MYO9A: variants seen among roughly 807,000 people sequenced by gnomAD.
MYO9A encodes the protein myosin IXA, also known as unconventional myosin-IXa.
In MYO9A, 103 loss-of-function variants were observed where a neutral mutation model predicts 293.3. The ratio of observed to expected loss-of-function variants is 0.35; its 90% CI spans 0.30 to 0.41. The LOEUF (loss-of-function observed/expected upper bound fraction) is 0.41, where lower values mean the gene tolerates loss of function less well. Among genes scored for constraint, MYO9A ranks in the 10% least tolerant of loss-of-function variants. The pLI is 1.00. For missense variants in MYO9A, 2,685 were observed against 3,033.0 expected, an observed-to-expected ratio of 0.89 and a Z score of 2.69; for synonymous variants, 1,001 against 1,035.7, an observed-to-expected ratio of 0.97 and a Z score of 0.64.
rs184357150 is a variant in MYO9A, at chr15:72,023,296, C to T, written c.999-2279G>A. ...AGAAGAAAAAATAAAATGGAGACCA[C>T]AAGGTCTCAGAGACCTGTGGGACAC... On this transcript the variant is annotated intron_variant, in intron 4 of 41. Transcript: ENST00000356056. Among the ~76,000 whole-genome samples, 69 of 152,296 alleles carry T rather than the reference C, an allele frequency of 4.5e-4. 2 individuals are homozygous for T. Among genetic ancestry groups the T allele is most frequent in the Admixed American group, 6.5e-4 (10 of 15,304 alleles).
intron 12 of MYO9A, among the ~76,000 whole-genome samples, chr15:71,970,645 A>C (rs1403785436): frequency 6.6e-6 from 1 of 152,166 alleles, no homozygotes; most frequent in African/African-American, 2.4e-5. Context: ...TACAGGACTG[A>C]CTCATAAAAA....
At chr15:72,010,259 A>C (rs2077134663) in intron 7 of MYO9A, 91 bp downstream of exon 7, 6 of 1,012,950 alleles carry the variant, frequency 5.9e-6, no homozygotes, top group Admixed American at 2.0e-5. Flanking sequence ...ACCACTTAGA[A>C]AACTATTTAA....
At chr15:71,858,073 G>A (rs1334234966) in intron 34 of MYO9A, among the ~76,000 whole-genome samples, 1 of 152,306 alleles carries the variant, frequency 6.6e-6, no homozygotes, top group Non-Finnish European at 1.5e-5. Context: ...TCTCATACCA[G>A]CTGGAATGGC....
At chr15:72,078,902 G>A (rs2079452346) in intron 1 of MYO9A, among the ~76,000 whole-genome samples, 1 of 152,188 alleles carries the variant, frequency 6.6e-6, no homozygotes, top group African/African-American at 2.4e-5. Context: ...CCAACTACAT[G>A]ACATTCTGGA....
At chr15:72,009,638 T>C (rs1321271567) in intron 7 of MYO9A, among the ~76,000 whole-genome samples, 1 of 151,588 alleles carries the variant, frequency 6.6e-6, no homozygotes, top group African/African-American at 2.4e-5. Flanking sequence ...CATCTGAGCC[T>C]GGGGAGGTTG....
intron 4 of MYO9A, among the ~76,000 whole-genome samples, chr15:72,026,275 GAAAAAA>G (rs35491673): frequency 1.6e-5 from 1 of 63,500 alleles, no homozygotes; most frequent in Non-Finnish European, 2.7e-5. Flanking sequence ...TCCGTCTCAA[GAAAAAA>G]AAAAAAAAAA....
At chr15:72,022,728 T>A (rs1289160438) in intron 4 of MYO9A, among the ~76,000 whole-genome samples, 2 of 151,914 alleles carry the variant, frequency 1.3e-5, no homozygotes, top group African/African-American at 4.8e-5. Context: ...TTGTATTTTT[T>A]GTAGAGACAG....
rs1476576391 is a variant in MYO9A at position 71,878,224 on chromosome 15, T to A, written c.5747A>T (p.Asp1916Val). 6.5e-7 allele frequency: 1 copy of A among 1,542,778 alleles called. No homozygotes were observed. The highest frequency in any genetic ancestry group is 1.4e-5 in the African/African-American group (1 of 71,516). ...SFYSSALAMD[D>V]GKSIRYKDLY... Reference sequence around the variant, plus strand: ...GTCTTTATACCGTATGCTTTTCCCATCATCCATCTATAAGCAATAAGAAAA... The same window carrying A: ...GTCTTTATACCGTATGCTTTTCCCAACATCCATCTATAAGCAATAAGAAAA... The change falls in exon 31 of 42, where the codon GAT becomes GTT. Residue 1916 changes from aspartate (D) to valine (V), a missense_variant. Asp to Val is a radical substitution (Grantham distance 152, BLOSUM62 -3). Transcript: ENST00000356056.
chr15:71,954,734 T>C (rs1225469541), intron 14 of MYO9A, among the ~76,000 whole-genome samples: 1 of 152,326 alleles, frequency 6.6e-6, no homozygotes, highest in East Asian at 1.9e-4. Flanking sequence ...CATTTTTTCT[T>C]ATGCAGGACC....
chr15:71,846,787 A>G (rs1306243881), intron 39 of MYO9A, among the ~76,000 whole-genome samples: 1 of 152,068 alleles, frequency 6.6e-6, no homozygotes, highest in Non-Finnish European at 1.5e-5. Flanking sequence ...TGTACAATCA[A>G]TGGAACTGAA....
chr15:71,948,084 A>T (rs539475892), intron 15 of MYO9A, among the ~76,000 whole-genome samples: 1 of 152,340 alleles, frequency 6.6e-6, no homozygotes, highest in African/African-American at 2.4e-5. Context: ...CTTAATATTG[A>T]AGGTCACACA....
chr15:72,090,290 C>T (rs1188171878), intron 1 of MYO9A, among the ~76,000 whole-genome samples: 1 of 152,020 alleles, frequency 6.6e-6, no homozygotes, highest in Non-Finnish European at 1.5e-5. Flanking sequence ...AACTTTATAT[C>T]TTTTTAAACA....
intron 13 of MYO9A, among the ~76,000 whole-genome samples, chr15:71,962,492 G>A (rs1402895794): frequency 6.6e-6 from 1 of 152,116 alleles, no homozygotes; most frequent in Non-Finnish European, 1.5e-5. Flanking sequence ...GCAAACGTAT[G>A]TATTATAAAA....
intron 12 of MYO9A, among the ~76,000 whole-genome samples, chr15:71,970,841 G>A (rs565597444): frequency 5.3e-5 from 8 of 151,924 alleles, no homozygotes; most frequent in Admixed American, 2.6e-4. Flanking sequence ...CTCAACCCTC[G>A]TAGCTTTCGG....
intron 1 of MYO9A, among the ~76,000 whole-genome samples, chr15:72,074,260 C>A (rs565701502): frequency 2.4e-4 from 37 of 152,202 alleles, no homozygotes; most frequent in Non-Finnish European, 4.6e-4. Context: ...ACCTTTTCAA[C>A]CTGTACTAAA....
At chr15:71,827,819 T>G in intron 41 of MYO9A, 65 bp downstream of exon 41, 1 of 1,510,618 alleles carries the variant, frequency 6.6e-7, no homozygotes, top group Non-Finnish European at 8.9e-7. Context: ...TTGTCTTAGT[T>G]TTGGAATCTT....
At chr15:72,049,820 C>A (rs1254424097) in intron 1 of MYO9A, among the ~76,000 whole-genome samples, 1 of 152,236 alleles carries the variant, frequency 6.6e-6, no homozygotes, top group South Asian at 2.1e-4. Flanking sequence ...CCTACTACCC[C>A]ATCTGTGGAA....
chr15:71,881,783 C>A (rs1373925167), intron 28 of MYO9A, among the ~76,000 whole-genome samples: 3 of 152,038 alleles, frequency 2.0e-5, no homozygotes, highest in African/African-American at 4.8e-5. Flanking sequence ...TATGAATTTT[C>A]AATTAGAGTT....
intron 19 of MYO9A, among the ~76,000 whole-genome samples, chr15:71,907,937 T>C (rs1164976315): frequency 4.6e-5 from 7 of 152,166 alleles, no homozygotes; most frequent in Non-Finnish European, 8.8e-5. Context: ...GTGCAGAAGC[T>C]CTTTAGTTTA....
Sources: allele counts gnomAD v4.1 joint callset (sites outside exome capture counted in the v4.1 genomes callset), GRCh38; gene constraint gnomAD v4.1.1; transcripts MANE v1.5; gene names NCBI Gene and HGNC (gene_info 2026-07-23, HGNC 2026-07-21).